Variants in GABRB1 observed in about 807,000 individuals in gnomAD.
GABRB1 encodes the protein gamma-aminobutyric acid receptor subunit beta-1.
Under a neutral mutation model 51.6 loss-of-function variants are expected in GABRB1, and 17 were observed. That is an observed-to-expected ratio of 0.33 (90% CI 0.23 to 0.49). The LOEUF (loss-of-function observed/expected upper bound fraction) is 0.49, where lower values mean the gene tolerates loss of function less well. GABRB1 is among the 20% of genes least tolerant of loss of function. The pLI is 0.99. For missense variants in GABRB1, 410 were observed against 600.6 expected, an observed-to-expected ratio of 0.68 and a Z score of 3.32; for synonymous variants, 247 against 218.9, an observed-to-expected ratio of 1.13 and a Z score of -1.14.
At chr4:47,128,038 C>G (rs1358009923) in intron 3 of GABRB1, among the ~76,000 whole-genome samples, 1 of 151,554 alleles carries the variant, frequency 6.6e-6, no homozygotes, top group Non-Finnish European at 1.5e-5. Context: ...TAAATATAAA[C>G]TATATATGAA....
At chr4:47,251,130 C>A (rs1446200306) in intron 4 of GABRB1, among the ~76,000 whole-genome samples, 2 of 152,128 alleles carry the variant, frequency 1.3e-5, no homozygotes, top group African/African-American at 4.8e-5. Context: ...TCCTTTGTCC[C>A]ATAGGGTGTT....
chr4:47,164,634 T>C (rs552596008), intron 4 of GABRB1, among the ~76,000 whole-genome samples: 1 of 152,160 alleles, frequency 6.6e-6, no homozygotes, highest in African/African-American at 2.4e-5. Context: ...CGTAACAGCA[T>C]GTCATTAAAC....
At chr4:47,412,966 C>T (rs183516778) in intron 8 of GABRB1, among the ~76,000 whole-genome samples, 36 of 152,276 alleles carry the variant, frequency 2.4e-4, no homozygotes, top group African/African-American at 7.5e-4. Context: ...ACCTGGCTGG[C>T]GCCATGTTGC....
At chr4:47,367,493 G>A (rs899382370) in intron 5 of GABRB1, among the ~76,000 whole-genome samples, 1 of 152,168 alleles carries the variant, frequency 6.6e-6, no homozygotes, top group African/African-American at 2.4e-5. Flanking sequence ...TTATCTGCTT[G>A]TAGAGATCTT....
chr4:47,227,327 A>T (rs1459437959), intron 4 of GABRB1, among the ~76,000 whole-genome samples: 3 of 152,158 alleles, frequency 2.0e-5, no homozygotes, highest in Admixed American at 6.6e-5. Flanking sequence ...ATTGAAAGCA[A>T]TTGCTTACAT....
intron 3 of GABRB1, among the ~76,000 whole-genome samples, chr4:47,109,925 A>G (rs1715147318): frequency 6.6e-6 from 1 of 152,154 alleles, no homozygotes. Context: ...TGGAACAATC[A>G]GAAGCAAGAT....
chr4:47,145,932 C>T (rs772498672), intron 3 of GABRB1, among the ~76,000 whole-genome samples: 21 of 152,014 alleles, frequency 1.4e-4, no homozygotes, highest in Non-Finnish European at 1.9e-4. Flanking sequence ...ATCAGCACAG[C>T]CTTTTTTTTC....
At chr4:47,186,011 G>A (rs1007723219) in intron 4 of GABRB1, among the ~76,000 whole-genome samples, 2 of 151,764 alleles carry the variant, frequency 1.3e-5, no homozygotes, top group Non-Finnish European at 2.9e-5. Context: ...ATAAAGTGAT[G>A]TTCAAAACTG....
chr4:47,288,464 A>G (rs1003988005), intron 4 of GABRB1, among the ~76,000 whole-genome samples: 7 of 151,922 alleles, frequency 4.6e-5, no homozygotes, highest in African/African-American at 1.7e-4. Context: ...GGGTTTCACC[A>G]CATTAGCCAG....
intron 5 of GABRB1, among the ~76,000 whole-genome samples, chr4:47,384,895 A>T (rs1365227064): frequency 6.6e-6 from 1 of 152,158 alleles, no homozygotes; most frequent in African/African-American, 2.4e-5. Context: ...ATCTTTAAGG[A>T]TGCCAAATAG....
chr4:47,082,241 CTT>C (rs1727881510), intron 3 of GABRB1, among the ~76,000 whole-genome samples: 1 of 151,778 alleles, frequency 6.6e-6, no homozygotes, highest in South Asian at 2.1e-4. Context: ...TTAAAAGAAA[CTT>C]TATATCACTG....
At chr4:47,215,112 G>T (rs1720503019) in intron 4 of GABRB1, among the ~76,000 whole-genome samples, 1 of 152,094 alleles carries the variant, frequency 6.6e-6, no homozygotes, top group African/African-American at 2.4e-5. Flanking sequence ...CTTGTATAAG[G>T]ATCCCTAAAA....
At chr4:47,165,171 A>T (rs1202355153) in intron 4 of GABRB1, among the ~76,000 whole-genome samples, 1 of 151,980 alleles carries the variant, frequency 6.6e-6, no homozygotes, top group Non-Finnish European at 1.5e-5. Flanking sequence ...ATGTCACTTA[A>T]AATTCTTCTG....
chr4:47,065,709 A>G (rs1333107293), intron 3 of GABRB1, among the ~76,000 whole-genome samples: 1 of 152,190 alleles, frequency 6.6e-6, no homozygotes, highest in East Asian at 1.9e-4. Context: ...AAATTGAACA[A>G]CTGATGGCTG....
At chr4:46,993,732 C>T (rs1429021824) in exon 1 of GABRB1, 2 of 284,780 alleles carry the variant, frequency 7.0e-6, no homozygotes, top group Non-Finnish European at 6.8e-6. Flanking sequence ...CGCGCGCTTG[C>T]GCTGCAAGAC....
chr4:47,328,936 A>G (rs1233928984), intron 5 of GABRB1, among the ~76,000 whole-genome samples: 2 of 151,792 alleles, frequency 1.3e-5, no homozygotes, highest in South Asian at 2.1e-4. Flanking sequence ...AAAAAGAAAT[A>G]TCTGTCCACC....
chr4:47,150,236 T>C (rs1041236448), intron 3 of GABRB1, among the ~76,000 whole-genome samples: 3 of 141,228 alleles, frequency 2.1e-5, no homozygotes, highest in African/African-American at 8.1e-5. Flanking sequence ...TATTTCATTT[T>C]GCATGTTTGG....
chr4:47,225,417 A>T (rs1560593102), intron 4 of GABRB1, among the ~76,000 whole-genome samples: 1 of 152,074 alleles, frequency 6.6e-6, no homozygotes, highest in Non-Finnish European at 1.5e-5. Flanking sequence ...GATGTTTTTC[A>T]TGTTTTGAGG....
At chr4:47,162,289 C>A (rs952516591) in intron 4 of GABRB1, among the ~76,000 whole-genome samples, 2 of 152,006 alleles carry the variant, frequency 1.3e-5, no homozygotes, top group African/African-American at 2.4e-5. Flanking sequence ...ACCAATGTAA[C>A]TTCCGTCAGA....
Sources: allele counts gnomAD v4.1 joint callset (sites outside exome capture counted in the v4.1 genomes callset), GRCh38; gene constraint gnomAD v4.1.1; transcripts MANE v1.5; gene names NCBI Gene and HGNC (gene_info 2026-07-23, HGNC 2026-07-21).